The following PKD2L1 variants were observed in gnomAD, a reference collection of about 807,000 sequenced individuals.
The protein encoded by PKD2L1 is polycystin-2-like protein 1.
Under a neutral mutation model 93.0 loss-of-function variants are expected in PKD2L1, and 77 were observed. The ratio of observed to expected loss-of-function variants is 0.83; its 90% CI spans 0.69 to 1.00. The LOEUF (loss-of-function observed/expected upper bound fraction) is 1.00. PKD2L1 is among the 50% of genes least tolerant of loss of function. The pLI, the probability that PKD2L1 is intolerant of heterozygous loss-of-function variation, is 0.00. For missense variants in PKD2L1, 977 were observed against 990.9 expected (o/e 0.99, Z 0.19); for synonymous variants, 390 against 388.0 (o/e 1.01, Z -0.06).
intron 2 of PKD2L1, among the ~76,000 whole-genome samples, chr10:100,303,331 T>A (rs957775201): frequency 6.6e-6 from 1 of 151,902 alleles, no homozygotes; most frequent in African/African-American, 2.4e-5. Flanking sequence ...GTAGCTGGGA[T>A]TACAGGCATG....
At chr10:100,292,348 C>T (rs531075879) in intron 11 of PKD2L1, among the ~76,000 whole-genome samples, 6 of 152,052 alleles carry the variant, frequency 3.9e-5, no homozygotes, top group Admixed American at 2.6e-4. Context: ...AAAAATTAGC[C>T]GGGCGTGGTG....
intron 2 of PKD2L1, among the ~76,000 whole-genome samples, chr10:100,300,436 TC>T (rs1316822687): frequency 2.6e-5 from 4 of 152,106 alleles, no homozygotes; most frequent in African/African-American, 9.7e-5. Context: ...GAACTTGATC[TC>T]CCTCATGCAC....
intron 2 of PKD2L1, 110 bp from the exon 3 acceptor site, chr10:100,299,828 A>G: frequency 2.2e-6 from 2 of 904,008 alleles, no homozygotes; most frequent in Non-Finnish European, 3.5e-6. Flanking sequence ...CCCATCCCCC[A>G]TCTGGACCCA....
At chr10:100,308,866 C>T (rs952511753) in intron 2 of PKD2L1, among the ~76,000 whole-genome samples, 1 of 152,118 alleles carries the variant, frequency 6.6e-6, no homozygotes, top group African/African-American at 2.4e-5. Flanking sequence ...TATAAGATGT[C>T]CTTATAAGCA....
intron 11 of PKD2L1, 76 bp downstream of exon 11, chr10:100,292,871 TA>T: frequency 6.8e-7 from 1 of 1,480,816 alleles, no homozygotes; most frequent in Non-Finnish European, 9.1e-7. Flanking sequence ...CAAAGGCTTA[TA>T]AGCAAATGAA....
At position 100,290,067 on chromosome 10, in the gene PKD2L1, G is replaced by A; in HGVS notation, c.2198C>T (p.Ser733Leu). The A allele has an allele frequency of 6.2e-7, 1 of 1,614,136 alleles. No homozygotes were observed. The highest frequency in any genetic ancestry group is 8.5e-7 in the Non-Finnish European group (1 of 1,180,012). The change falls in exon 14 of 16, where the codon TCA becomes TTA. Residue 733 changes from serine to leucine, a missense_variant. Coordinates refer to ENST00000318222, the MANE Select transcript of PKD2L1 (RefSeq NM_016112.3). ...GVVSQIDAVG[S>L]KLKMLERKGW... is the part of the protein sequence containing the mutation. The stretch of plus-strand genomic sequence containing the variant: ...CTTCCTCTCCAGCATTTTCAGCTTT[G>A]AGCCTACAGCATCAATCTGGGACAC...
intron 2 of PKD2L1, among the ~76,000 whole-genome samples, chr10:100,310,674 G>A (rs1041421235): frequency 1.3e-5 from 2 of 152,126 alleles, no homozygotes; most frequent in Admixed American, 1.3e-4. Flanking sequence ...AAGGAAGGCA[G>A]ATATAAAAAA....
At chr10:100,326,209 G>A (rs1016742428) in intron 2 of PKD2L1, among the ~76,000 whole-genome samples, 13 of 152,108 alleles carry the variant, frequency 8.5e-5, no homozygotes, top group Non-Finnish European at 1.3e-4. Context: ...CTTTTCAATA[G>A]CTCTCCCTGT....
At chr10:100,293,104 A>G (rs762554502) in intron 10 of PKD2L1, 35 bp from the exon 11 acceptor site, 58 of 1,607,436 alleles carry the variant, frequency 3.6e-5, no homozygotes, top group Non-Finnish European at 4.6e-5. Context: ...AAGTTCTCAC[A>G]GGCTGCTCAC....
chr10:100,293,226 G>T, intron 10 of PKD2L1, 55 bp downstream of exon 10: 1 of 1,513,692 alleles, frequency 6.6e-7, no homozygotes. Context: ...AGGACACAGA[G>T]CCTTAGACTG....
At chr10:100,318,841 CTCTCTCTA>C (rs1849163749) in intron 2 of PKD2L1, among the ~76,000 whole-genome samples, 1 of 96,246 alleles carries the variant, frequency 1.0e-5, no homozygotes, top group African/African-American at 2.9e-5. Flanking sequence ...CTTTTTTTCT[CTCTCTCTA>C]TCTTTTTTTT....
At position 100,289,030 on chromosome 10, in the gene PKD2L1, C is replaced by T. The variant is rs140831551; in HGVS notation, c.2277G>A (p.Pro759=). 2.5e-5 allele frequency: 40 copies of T among 1,612,596 alleles called. No homozygotes were observed. The highest frequency in any genetic ancestry group is 1.7e-4 in the Middle Eastern group (1 of 6,036). Reference sequence around the variant, plus strand: ...CTGGGGTCACAGCTGGGGCTGGCTGCGGGTGCTTCCAAATAGCTTGTTCCT... The same window carrying T: ...CTGGGGTCACAGCTGGGGCTGGCTGTGGGTGCTTCCAAATAGCTTGTTCCT... ...GVKEQAIWKH[P]QPAPAVTPDP... is the part of the protein sequence containing the mutation. Residue 759 remains proline, a synonymous_variant, in exon 15 of 16, where the codon CCG becomes CCA. Coordinates refer to ENST00000318222, the MANE Select transcript of PKD2L1 (RefSeq NM_016112.3).
rs59370050 is a variant in PKD2L1, at chr10:100,298,938, G to GTTA, written c.478-126_478-124dup. The GTTA allele has an allele frequency of 5.6e-3, 3,644 of 655,424 alleles. 26 individuals are homozygous for GTTA. Among genetic ancestry groups the GTTA allele is most frequent in the Middle Eastern group, 0.029 (59 of 2,062 alleles). 40.6% of individuals were successfully genotyped at this position (655,424 alleles called of 1,614,324 possible). ...CCAGTCTGCTTTTTAAAAAATTATTGTTATTATTATTATTATTATTATTTT... is the reference window on the plus strand; with the variant it reads ...CCAGTCTGCTTTTTAAAAAATTATTGTTATTATTATTATTATTATTATTATTTT... On this transcript the variant is annotated intron_variant, in intron 3 of 15. Coordinates refer to ENST00000318222, the MANE Select transcript of PKD2L1 (RefSeq NM_016112.3).
chr10:100,288,587 C>T (rs1378664939), intron 15 of PKD2L1, 109 bp from the exon 16 acceptor site: 1 of 735,470 alleles, frequency 1.4e-6, no homozygotes, highest in Non-Finnish European at 2.4e-6. Context: ...ATACCGCCTA[C>T]TCTCTTGGTT....
Position 100,297,412 on chromosome 10 carries a change from T to C in PKD2L1, c.926A>G (p.Asn309Ser), listed in dbSNP as rs1848568960. 6.2e-7 allele frequency: 1 copy of C among 1,613,846 alleles called. No homozygotes were observed. The highest frequency in any genetic ancestry group is 8.5e-7 in the Non-Finnish European group (1 of 1,179,930). Residue 309 changes from asparagine to serine, a missense_variant, in exon 5 of 16, where the codon AAT (asparagine) becomes AGT (serine). Physicochemically the swap from Asn to Ser is conservative, Grantham distance 46 (BLOSUM62 1). Transcript: ENST00000318222. Reference sequence around the variant, plus strand: ...GACACAGAAAAGATTGATATTGGCATTGTAGACTGAGAAGTCGATGAACAC... The same window carrying C: ...GACACAGAAAAGATTGATATTGGCACTGTAGACTGAGAAGTCGATGAACAC... ...RVVFIDFSVY[N>S]ANINLFCVLR... is the part of the protein sequence containing the mutation.
Position 100,293,050 on chromosome 10 carries a change from A to AG in PKD2L1, c.1777dup (p.Leu593ProfsTer27). The AG allele has an allele frequency of 1.2e-6, 2 of 1,614,150 alleles. No homozygotes were observed. The highest frequency in any genetic ancestry group is 1.7e-6 in the Non-Finnish European group (2 of 1,180,008). On this transcript the variant is annotated frameshift_variant, in exon 11 of 16. Coordinates refer to ENST00000318222, the MANE Select transcript of PKD2L1 (RefSeq NM_016112.3). LOFTEE classifies it high-confidence loss of function. ...CCTCTCCTTCCTCAGACGCAGTCTTAGTAGGGTCTTGTTGTAGCCCTGAAA... is the reference window on the plus strand; with the variant it reads ...CCTCTCCTTCCTCAGACGCAGTCTTAGGTAGGGTCTTGTTGTAGCCCTGAAA...
At chr10:100,294,753 A>C in intron 8 of PKD2L1, 98 bp from the exon 9 acceptor site, 2 of 1,515,938 alleles carry the variant, frequency 1.3e-6, no homozygotes, top group Non-Finnish European at 1.8e-6. Context: ...GTTCACCCCA[A>C]TCTGATAGAC....
chr10:100,296,047 A>AG, intron 7 of PKD2L1, 75 bp downstream of exon 7: 1 of 1,397,490 alleles, frequency 7.2e-7, no homozygotes. Flanking sequence ...AAAAAAAAAA[A>AG]AGAAAAAAAA....
In PKD2L1 at chr10:100,297,042, G is replaced by A; in HGVS notation, c.1123C>T (p.His375Tyr). The A allele has an allele frequency of 6.2e-7, 1 of 1,614,150 alleles. No homozygotes were observed. Among genetic ancestry groups the A allele is most frequent in the South Asian group, 1.1e-5 (1 of 91,080 alleles). Residue 375 changes from histidine (H) to tyrosine (Y), a missense_variant, in exon 6 of 16, where the codon CAC becomes TAC. Physicochemically the swap from His to Tyr is moderately conservative, Grantham distance 83 (BLOSUM62 2). Coordinates refer to ENST00000318222, the MANE Select transcript of PKD2L1 (RefSeq NM_016112.3). ...YYVVEEILEL[H>Y]IHRLRYLSSI... ...CTGAGGTAGCGAAGCCGGTGAATGT[G>A]GAGCTCCAGGATCTCTTCCACCACA...
Sources: allele counts gnomAD v4.1 joint callset (sites outside exome capture counted in the v4.1 genomes callset), GRCh38; gene constraint gnomAD v4.1.1; transcripts MANE v1.5; gene names NCBI Gene and HGNC (gene_info 2026-07-23, HGNC 2026-07-21).